The following PDXDC1 variants were observed in gnomAD, a reference collection of about 807,000 sequenced individuals.
PDXDC1 encodes the protein pyridoxal dependent decarboxylase domain containing 1, also known as pyridoxal-dependent decarboxylase domain-containing protein 1.
PDXDC1 carries 42 observed loss-of-function variants against 100.1 expected under a neutral mutation model. The ratio of observed to expected loss-of-function variants is 0.42; its 90% CI spans 0.33 to 0.54. The LOEUF (loss-of-function observed/expected upper bound fraction) is 0.54. Among genes scored for constraint, PDXDC1 ranks in the 20% least tolerant of loss-of-function variants. The probability of loss-of-function intolerance (pLI) is 0.10; values close to 1 mark genes in which losing one functional copy is unlikely to be tolerated. For missense variants in PDXDC1, 636 were observed against 979.2 expected, an observed-to-expected ratio of 0.65 and a Z score of 4.68; for synonymous variants, 260 against 371.7, an observed-to-expected ratio of 0.70 and a Z score of 3.46.
chr16:15,056,070 G>T, intron 16 of PDXDC1: 1 of 367,830 alleles, frequency 2.7e-6, no homozygotes. Context: ...CGCGCGTCCC[G>T]CCTCGTCCTG....
At chr16:15,062,743 C>A (rs2044765020) in intron 16 of PDXDC1, among the ~76,000 whole-genome samples, 1 of 152,210 alleles carries the variant, frequency 6.6e-6, no homozygotes. Context: ...TCGCTTCTCA[C>A]ATGTCAGTAT....
the PDXDC1 span, among the ~76,000 whole-genome samples, chr16:15,145,092 TCCC>T: frequency 6.6e-6 from 1 of 151,684 alleles, no homozygotes. Flanking sequence ...GCCCTCCTCC[TCCC>T]CCAACACCAT....
At chr16:14,984,495 A>ATTTTTTTTT (rs1159521017) in intron 1 of PDXDC1, among the ~76,000 whole-genome samples, 4 of 73,498 alleles carry the variant, frequency 5.4e-5, no homozygotes, top group African/African-American at 1.0e-4. Context: ...ATATATATAT[A>ATTTTTTTTT]TTTTTTTTTT....
chr16:15,077,790 G>A (rs1366069306), intron 16 of PDXDC1, among the ~76,000 whole-genome samples: 6 of 152,180 alleles, frequency 3.9e-5, no homozygotes, highest in Non-Finnish European at 7.4e-5. Context: ...GCAGTGAGCC[G>A]AGATCGCACC....
At chr16:15,122,249 G>A (rs2047459170) in intron 16 of PDXDC1, among the ~76,000 whole-genome samples, 1 of 149,628 alleles carries the variant, frequency 6.7e-6, no homozygotes, top group Non-Finnish European at 1.5e-5. Context: ...CGTTTTGTTT[G>A]TTAGAGACAA....
chr16:15,122,086 C>A (rs1264437480), intron 16 of PDXDC1, among the ~76,000 whole-genome samples: 6 of 151,186 alleles, frequency 4.0e-5, no homozygotes, highest in African/African-American at 1.2e-4. Flanking sequence ...ATTGCTTGAA[C>A]CCCGGAAGCG....
intron 16 of PDXDC1, among the ~76,000 whole-genome samples, chr16:15,048,959 A>G (rs944961132): frequency 4.8e-5 from 7 of 146,624 alleles, no homozygotes; most frequent in African/African-American, 1.8e-4. Context: ...AGGCCTCCCT[A>G]TGCTGCCCAG....
chr16:15,036,233 AGAT>A lies in PDXDC1; in HGVS notation c.2328_2330del (p.Asp777del). 6.2e-7 allele frequency: 1 copy of A among 1,614,114 alleles called. No homozygotes were observed. The highest frequency in any genetic ancestry group is 8.5e-7 in the Non-Finnish European group (1 of 1,179,972). ...TCCAGAAAGGGGTCCCACACCCAGA[AGAT>A]GACCACTCACAGGTAGAAGGACCGG... is the stretch of plus-strand genomic sequence containing the variant. On this transcript the variant is annotated inframe_deletion, in exon 23 of 23. Transcript: ENST00000396410.
In PDXDC1 at chr16:14,984,851, G is replaced by A. The variant is rs1968958730; in HGVS notation, c.21+9631G>A. Among the ~76,000 whole-genome samples, 4 of 152,200 alleles carry A rather than the reference G, an allele frequency of 2.6e-5. No homozygotes were observed. The South Asian group carries it at 6.2e-4, about 24-fold the overall frequency. ...ACTGGTTTAACTGAGGAAAAGTGTTGATTCGTGTGTTTTCAAAAGATGAAA... is the reference window on the plus strand; with the variant it reads ...ACTGGTTTAACTGAGGAAAAGTGTTAATTCGTGTGTTTTCAAAAGATGAAA... On this transcript the variant is annotated intron_variant, in intron 1 of 22. Transcript: ENST00000396410.
At chr16:15,089,975 A>T (rs1043499311) in intron 16 of PDXDC1, among the ~76,000 whole-genome samples, 7 of 151,762 alleles carry the variant, frequency 4.6e-5, no homozygotes, top group African/African-American at 1.7e-4. Flanking sequence ...TTGGGAGGCC[A>T]AGGCGGGCAG....
intron 16 of PDXDC1, among the ~76,000 whole-genome samples, chr16:15,073,788 C>T (rs368164989): frequency 6.6e-6 from 1 of 152,012 alleles, no homozygotes; most frequent in African/African-American, 2.4e-5. Flanking sequence ...TTTATTATTA[C>T]GACTTTTTTT....
intron 12 of PDXDC1, among the ~76,000 whole-genome samples, chr16:15,021,977 T>C (rs1336669572): frequency 6.6e-6 from 1 of 152,292 alleles, no homozygotes; most frequent in Non-Finnish European, 1.5e-5. Flanking sequence ...TGACAGTGTA[T>C]TCAGAATTAA....
chr16:15,010,735 C>G (rs2041192191), intron 8 of PDXDC1, among the ~76,000 whole-genome samples: 2 of 152,248 alleles, frequency 1.3e-5, no homozygotes, highest in African/African-American at 4.8e-5. Flanking sequence ...AGATAGAAAA[C>G]TAAAGAAAAG....
At chr16:15,111,091 G>T (rs1187194978) in intron 16 of PDXDC1, among the ~76,000 whole-genome samples, 1 of 147,114 alleles carries the variant, frequency 6.8e-6, no homozygotes, top group African/African-American at 2.5e-5. Context: ...TCACACCACT[G>T]CACTCCAGCC....
At chr16:15,040,122 G>C (rs1020107059), downstream of PDXDC1, 13 of 965,246 alleles carry the variant, frequency 1.3e-5, no homozygotes, top group African/African-American at 2.1e-4. Flanking sequence ...CGGAAAGTCT[G>C]CACAGTCTTA....
chr16:15,141,802 G>A (rs1217550992), downstream of PDXDC1, among the ~76,000 whole-genome samples: 5 of 152,196 alleles, frequency 3.3e-5, no homozygotes, highest in Non-Finnish European at 7.4e-5. Context: ...GGCCATTCAC[G>A]AGACAGGGTG....
At chr16:15,076,619 G>A in intron 16 of PDXDC1, 12 of 1,612,814 alleles carry the variant, frequency 7.4e-6, no homozygotes, top group Non-Finnish European at 9.3e-6. Flanking sequence ...TGTTTCTTCA[G>A]CATCTTCAAT....
intron 1 of PDXDC1, among the ~76,000 whole-genome samples, chr16:14,992,326 GAGAT>G (rs1397114365): frequency 3.3e-5 from 5 of 152,290 alleles, no homozygotes; most frequent in African/African-American, 7.2e-5. Flanking sequence ...TGCTAGGAGA[GAGAT>G]AGATAAAAGT....
At position 15,038,283 on chromosome 16, in the gene PDXDC1, A is replaced by T. The variant is rs1176034258; in HGVS notation, c.*2008A>T. 2 of 1,090,038 alleles carry T rather than the reference A, an allele frequency of 1.8e-6. No homozygotes were observed. Among genetic ancestry groups the T allele is most frequent in the Non-Finnish European group, 2.7e-6 (2 of 742,114 alleles). The allele number at this position is 1,090,038 out of a possible 1,614,324, so 67.5% of individuals were successfully genotyped here. On this transcript the variant is annotated 3_prime_UTR_variant, in exon 23 of 23. Coordinates refer to ENST00000396410, the MANE Select transcript of PDXDC1 (RefSeq NM_015027.4). ...CCTGCTGTGATAAAGATGTCAAAGT[A>T]TCTTTGTTCTTGGACACAAATATAT...
Sources: allele counts gnomAD v4.1 joint callset (sites outside exome capture counted in the v4.1 genomes callset), GRCh38; gene constraint gnomAD v4.1.1; transcripts MANE v1.5; gene names NCBI Gene and HGNC (gene_info 2026-07-23, HGNC 2026-07-21).